Variants in MYH14 observed in about 807,000 individuals in gnomAD.
MYH14 encodes myosin-14.
In MYH14, 123 loss-of-function variants were observed where a neutral mutation model predicts 255.5. That is an observed-to-expected ratio of 0.48 (90% CI 0.42 to 0.56). The LOEUF (loss-of-function observed/expected upper bound fraction) is 0.56. Among genes scored for constraint, MYH14 ranks in the 20% least tolerant of loss-of-function variants. MYH14 has a pLI of 0.00. For missense variants in MYH14, 2,423 were observed against 2,802.3 expected, an observed-to-expected ratio of 0.86 and a Z score of 3.06; for synonymous variants, 1,095 against 1,161.2, an observed-to-expected ratio of 0.94 and a Z score of 1.16.
At chr19:50,296,984 T>TG (rs35580414) in intron 39 of MYH14, among the ~76,000 whole-genome samples, 134 of 151,744 alleles carry the variant, frequency 8.8e-4, no homozygotes, top group Non-Finnish European at 1.6e-3. Flanking sequence ...CTCTGTTTTT[T>TG]TTTGTTTGTT....
intron 40 of MYH14, among the ~76,000 whole-genome samples, chr19:50,306,248 C>A (rs945404262): frequency 3.3e-5 from 5 of 152,138 alleles, no homozygotes; most frequent in African/African-American, 1.2e-4. Context: ...CCTTTGCACT[C>A]CAGCCTGGGC....
chr19:50,272,869 G>A (rs1029955783), intron 27 of MYH14, 138 bp downstream of exon 27: 7 of 810,494 alleles, frequency 8.6e-6, no homozygotes, highest in South Asian at 5.2e-5. Flanking sequence ...CATCCCCTCC[G>A]AGCCTCAGTG....
At chr19:50,216,054 T>G (rs1382302970) in intron 2 of MYH14, among the ~76,000 whole-genome samples, 2 of 152,232 alleles carry the variant, frequency 1.3e-5, no homozygotes, top group Admixed American at 6.5e-5. Context: ...GCTTGGCTAG[T>G]TAGCTCTCTG....
intron 10 of MYH14, among the ~76,000 whole-genome samples, chr19:50,242,061 C>T (rs984656278): frequency 4.6e-5 from 7 of 152,186 alleles, no homozygotes; most frequent in South Asian, 4.1e-4. Flanking sequence ...TTCATGGACG[C>T]AAATGTCCAG....
intron 1 of MYH14, among the ~76,000 whole-genome samples, chr19:50,204,003 C>T (rs2031595911): frequency 6.6e-6 from 1 of 152,098 alleles, no homozygotes; most frequent in African/African-American, 2.4e-5. Context: ...TCATCGCCTC[C>T]AGTCCCCCGC....
rs758746530 is a variant in MYH14 at position 50,260,694 on chromosome 19, G to C, written c.2403G>C (p.Gly801=). Residue 801 remains glycine, a synonymous_variant, in exon 20 of 43, where the codon GGG becomes GGC. Transcript: ENST00000642316. ...PNAIPKGFMD[G]KQACEKMIQA... is the part of the protein sequence containing the mutation. ...CCATCCCCAAGGGCTTCATGGATGG[G>C]AAGCAGGCCTGTGAAAAGATGGTGA... is the stretch of plus-strand genomic sequence containing the variant. 6.2e-7 allele frequency: 1 copy of C among 1,613,508 alleles called. No homozygotes were observed. Among genetic ancestry groups the C allele is most frequent in the East Asian group, 2.2e-5 (1 of 44,862 alleles).
chr19:50,309,666 G>T lies in MYH14; in HGVS notation c.5987G>T (p.Arg1996Leu), dbSNP rs369111539. 1.5e-6 allele frequency: 2 copies of T among 1,376,134 alleles called. No individual in the cohort carries two copies. Among genetic ancestry groups the T allele is most frequent in the South Asian group, 2.3e-5 (2 of 86,586 alleles). The allele number at this position is 1,376,134 out of a possible 1,614,324, so 85.2% of individuals were successfully genotyped here. The part of the protein sequence containing the change: ...LRRGPLTFTT[R>L]TVRQVFRLEE... ...CGCGGCCCCCTCACCTTCACCACCC[G>T]CACGGTGCGCCAGGTCTTCCGACTA... Residue 1996 changes from arginine to leucine, a missense_variant, in exon 43 of 43, where the codon CGC becomes CTC. By Grantham distance (102) the Arg-to-Leu change is moderately radical. Transcript: ENST00000642316.
intron 23 of MYH14, among the ~76,000 whole-genome samples, chr19:50,267,623 A>AAAT (rs56141769): frequency 0.39 from 58,238 of 149,056 alleles, 11,545 homozygotes; most frequent in Admixed American, 0.51. Context: ...TCTGTCTCAA[A>AAAT]AATAATAATA....
At chr19:50,227,644 C>G (rs2033173787) in intron 8 of MYH14, among the ~76,000 whole-genome samples, 1 of 152,198 alleles carries the variant, frequency 6.6e-6, no homozygotes, top group South Asian at 2.1e-4. Flanking sequence ...GGCCAGCAGG[C>G]CTTTCCAGGG....
chr19:50,286,323 G>A (rs1409579436), intron 33 of MYH14, 159 bp from the exon 34 acceptor site: 8 of 681,640 alleles, frequency 1.2e-5, no homozygotes, highest in African/African-American at 3.6e-5. Flanking sequence ...TTTGGGACAC[G>A]GTTGCAACTT....
In MYH14 at chr19:50,231,938, C is replaced by T; in HGVS notation, c.982C>T (p.Leu328Phe). 6.2e-7 allele frequency: 1 copy of T among 1,613,978 alleles called. No homozygotes were observed. Among genetic ancestry groups the T allele is most frequent in the Non-Finnish European group, 8.5e-7 (1 of 1,179,890 alleles). ...ACTCATTGTCCCTGCAGCCGACCTC[C>T]TCCTCGAGCCCTGCTCCCACTACCG... The part of the protein sequence containing the change: ...GAGEQLKADL[L>F]LEPCSHYRFL... The change falls in exon 10 of 43, where the codon CTC becomes TTC. Residue 328 changes from leucine (L) to phenylalanine (F), a missense_variant. By Grantham distance (22) the Leu-to-Phe change is conservative. Transcript: ENST00000642316.
At chr19:50,272,787 C>T (rs2035359893) in intron 27 of MYH14, 56 bp downstream of exon 27, 22 of 1,517,218 alleles carry the variant, frequency 1.5e-5, no homozygotes, top group Non-Finnish European at 1.6e-5. Context: ...GGCCAGCCAG[C>T]GTGGGGTGCC....
intron 17 of MYH14, 98 bp from the exon 18 acceptor site, chr19:50,257,201 G>A: frequency 1.0e-6 from 1 of 965,268 alleles, no homozygotes; most frequent in Non-Finnish European, 1.5e-6. Context: ...TATGTAAAGT[G>A]CCAGTTGTGA....
chr19:50,230,534 A>C lies in MYH14; in HGVS notation c.884A>C (p.Glu295Ala). Residue 295 changes from glutamate to alanine, a missense_variant, in exon 9 of 43, where the codon GAG becomes GCG. Coordinates refer to ENST00000642316, the MANE Select transcript of MYH14 (RefSeq NM_001145809.2). The surrounding 1 kb of genome is among the most constrained non-coding windows in gnomAD (Gnocchi z 4.7). ...VGANIETYLL[E>A]KSRAIRQAKD... is the part of the protein sequence containing the mutation. ...GACTCGCTGTGTCCAGACCTGCTGG[A>C]GAAGTCGCGGGCCATCCGCCAGGCC... 6.4e-7 allele frequency: 1 copy of C among 1,563,268 alleles called. No homozygotes were observed. Among genetic ancestry groups the C allele is most frequent in the Non-Finnish European group, 8.7e-7 (1 of 1,154,356 alleles).
chr19:50,226,958 T>C lies in MYH14; in HGVS notation c.866T>C (p.Ile289Thr), dbSNP rs777836668. The change falls in exon 8 of 43, where the codon ATT becomes ACT. Residue 289 changes from isoleucine to threonine, a missense_variant. Physicochemically the swap from Ile to Thr is moderately conservative, Grantham distance 89. Transcript: ENST00000642316. ...DVAGYIVGAN[I>T]ETYLLEKSRA... ...GCCGGGTACATCGTGGGCGCCAACA[T>C]TGAGACCTGTATCCTCTCACAGCCC... 23 of 1,613,674 alleles carry C rather than the reference T, an allele frequency of 1.4e-5. No individual in the cohort carries two copies. Among genetic ancestry groups the C allele is most frequent in the South Asian group, 9.9e-5 (9 of 91,080 alleles).
In MYH14 at chr19:50,293,020, C is replaced by T. The variant is rs2036138104; in HGVS notation, c.5257-213C>T. On this transcript the variant is annotated intron_variant, in intron 37 of 42. Coordinates refer to ENST00000642316, the MANE Select transcript of MYH14 (RefSeq NM_001145809.2). The surrounding 1 kb of genome is among the most constrained non-coding windows in gnomAD (Gnocchi z 4.1). The stretch of plus-strand genomic sequence containing the variant: ...AGTAAAAGGTGGAGAGGGTGAGGGG[C>T]CTGGGGGTTGGGCTGCAAGAGGTGA... Among the ~76,000 whole-genome samples the T allele has an allele frequency of 6.6e-6, 1 of 151,792 alleles. No homozygotes were observed. The highest frequency in any genetic ancestry group is 2.4e-5 in the African/African-American group (1 of 41,374).
At position 50,257,400 on chromosome 19, in the gene MYH14, A is replaced by C. The variant is rs773291251; in HGVS notation, c.2146A>C (p.Lys716Gln). ...GTTCCGGACAGTGGGACAGCTCTAC[A>C]AGGAGTCCCTGAGCCGCCTCATGGC... ...GMFRTVGQLYKESLSRLMATL... is the reference protein window; with the variant it reads ...GMFRTVGQLYQESLSRLMATL... The change falls in exon 18 of 43, where the codon AAG becomes CAG. Residue 716 changes from lysine to glutamine, a missense_variant. This residue lies in a region of MYH14 where 672 missense variants were observed against 881.8 expected (regional missense o/e 0.76). Coordinates refer to ENST00000642316, the MANE Select transcript of MYH14 (RefSeq NM_001145809.2). The C allele has an allele frequency of 1.7e-5, 27 of 1,608,292 alleles. 1 individual carries two copies. Among genetic ancestry groups the C allele is most frequent in the Non-Finnish European group, 2.0e-5 (24 of 1,177,398 alleles).
At chr19:50,275,641 A>C (rs2035476022) in intron 27 of MYH14, among the ~76,000 whole-genome samples, 1 of 152,140 alleles carries the variant, frequency 6.6e-6, no homozygotes, top group South Asian at 2.1e-4. Flanking sequence ...AGCCCTAGGC[A>C]ACATAGGCAG....
chr19:50,267,028 GCGTGGGGGC>G lies in MYH14; in HGVS notation c.2826+21_2826+29del. On this transcript the variant is annotated intron_variant, in intron 23 of 42. Coordinates refer to ENST00000642316, the MANE Select transcript of MYH14 (RefSeq NM_001145809.2). ...GCACAGGTGAGGGGGCGGGGGCAGG[GCGTGGGGGC>G]GTGTCTTCGGGGTGGGGCTGTGTCG... The G allele has an allele frequency of 6.5e-7, 1 of 1,535,614 alleles. No individual in the cohort carries two copies. Among genetic ancestry groups the G allele is most frequent in the South Asian group, 1.2e-5 (1 of 84,050 alleles).
Sources: gnomAD v4.1 joint callset for allele counts (sites outside exome capture counted in the v4.1 genomes callset) on GRCh38, gnomAD v4.1.1 for gene constraint, gnomAD v4.1.1 regional missense constraint, Gnocchi (gnomAD v3.1) non-coding constraint, MANE v1.5 for transcripts, NCBI Gene and HGNC (gene_info 2026-07-23, HGNC 2026-07-21) for gene names.